The following SMAP1 variants were observed in gnomAD, a reference collection of about 807,000 sequenced individuals.
The protein encoded by SMAP1 is stromal membrane-associated protein 1.
Under a neutral mutation model 58.5 loss-of-function variants are expected in SMAP1, and 24 were observed. The observed-to-expected ratio is 0.41, with a 90% CI of 0.30 to 0.58. The LOEUF is 0.58. SMAP1 is among the 20% of genes least tolerant of loss of function. SMAP1 has a pLI of 0.29. For missense variants in SMAP1, 563 were observed against 566.3 expected (o/e 0.99, Z 0.06); for synonymous variants, 216 against 196.6 (o/e 1.10, Z -0.82).
intron 1 of SMAP1, among the ~76,000 whole-genome samples, chr6:70,722,831 G>GC (rs1768590391): frequency 6.6e-6 from 1 of 152,224 alleles, no homozygotes; most frequent in South Asian, 2.1e-4. Context: ...CGCTGGGTGG[G>GC]CCAGGTGTTC....
chr6:70,700,462 T>C (rs958459552), intron 1 of SMAP1, among the ~76,000 whole-genome samples: 35 of 152,302 alleles, frequency 2.3e-4, no homozygotes, highest in South Asian at 1.5e-3. Context: ...CATGCCTGGC[T>C]AATTTTTGTG....
At chr6:70,803,113 T>A (rs998375387) in intron 6 of SMAP1, among the ~76,000 whole-genome samples, 7 of 152,210 alleles carry the variant, frequency 4.6e-5, no homozygotes, top group Non-Finnish European at 2.9e-5. Flanking sequence ...CTGTTAGAAT[T>A]TGGCTGTGAG....
chr6:70,828,676 G>T (rs117623301), intron 6 of SMAP1, among the ~76,000 whole-genome samples: 3,555 of 152,282 alleles, frequency 0.023, 52 homozygotes, highest in Non-Finnish European at 0.037. Flanking sequence ...TGTGGAAATA[G>T]AATAAAAATC....
At chr6:70,745,080 G>C (rs1477846275) in intron 2 of SMAP1, among the ~76,000 whole-genome samples, 2 of 152,152 alleles carry the variant, frequency 1.3e-5, no homozygotes, top group East Asian at 3.9e-4. Context: ...TTAGCCCTTT[G>C]TCAGATGGGT....
chr6:70,718,060 A>G (rs940161258), intron 1 of SMAP1, among the ~76,000 whole-genome samples: 1 of 152,108 alleles, frequency 6.6e-6, no homozygotes, highest in Non-Finnish European at 1.5e-5. Flanking sequence ...CACAAGCTCC[A>G]CAAGCTCCCC....
intron 6 of SMAP1, among the ~76,000 whole-genome samples, chr6:70,834,902 A>G (rs991381540): frequency 2.6e-5 from 4 of 152,146 alleles, no homozygotes; most frequent in South Asian, 2.1e-4. Context: ...ATTATGTTAA[A>G]CTTCTGAAAA....
chr6:70,759,713 C>T (rs1766668100), intron 3 of SMAP1: 1 of 259,936 alleles, frequency 3.8e-6, no homozygotes, highest in Non-Finnish European at 8.1e-6. Context: ...GTTCTGTTAT[C>T]TTGGCTGATA....
chr6:70,782,240 A>G (rs1156600599), intron 4 of SMAP1, among the ~76,000 whole-genome samples: 1 of 152,220 alleles, frequency 6.6e-6, no homozygotes, highest in Non-Finnish European at 1.5e-5. Flanking sequence ...AATATGGATA[A>G]CTTCTATGGG....
intron 1 of SMAP1, among the ~76,000 whole-genome samples, chr6:70,690,708 A>ATATATT (rs1554189883): frequency 7.4e-5 from 11 of 148,938 alleles, no homozygotes; most frequent in African/African-American, 2.2e-4. Flanking sequence ...ATATATATAT[A>ATATATT]TTTTTGAATT....
intron 9 of SMAP1, chr6:70,857,596 C>T: frequency 3.7e-6 from 1 of 267,568 alleles, no homozygotes; most frequent in South Asian, 5.4e-5. Flanking sequence ...ACTGGGGGAC[C>T]AGTGGTACAA....
intron 2 of SMAP1, among the ~76,000 whole-genome samples, chr6:70,751,022 C>G (rs781133157): frequency 1.3e-5 from 2 of 152,108 alleles, no homozygotes; most frequent in South Asian, 4.1e-4. Flanking sequence ...GGCAGATCAT[C>G]TGAGGTCAGG....
chr6:70,685,284 A>C (rs1398596363), intron 1 of SMAP1, among the ~76,000 whole-genome samples: 1 of 91,314 alleles, frequency 1.1e-5, no homozygotes, highest in Non-Finnish European at 2.1e-5. Flanking sequence ...AGTAGTTAAT[A>C]CTTTTTTTTT....
intron 1 of SMAP1, chr6:70,694,186 A>G (rs543911330): frequency 6.0e-6 from 2 of 330,798 alleles, no homozygotes; most frequent in South Asian, 2.8e-5. Flanking sequence ...AATCGAGGCT[A>G]TAACTTGATC....
intron 1 of SMAP1, among the ~76,000 whole-genome samples, chr6:70,726,838 AAGTT>A (rs1392533766): frequency 1.3e-5 from 2 of 151,076 alleles, no homozygotes; most frequent in East Asian, 3.9e-4. Context: ...TTTTATCTGA[AAGTT>A]AGTAGTCATG....
intron 6 of SMAP1, among the ~76,000 whole-genome samples, chr6:70,806,537 T>C (rs889002698): frequency 6.6e-6 from 1 of 152,198 alleles, no homozygotes; most frequent in African/African-American, 2.4e-5. Context: ...CCCAGTGAGA[T>C]GAACCAGGTA....
Position 70,861,802 on chromosome 6 carries a change from G to GGT in SMAP1, c.*1469_*1470dup, listed in dbSNP as rs1771744870. On this transcript the variant is annotated 3_prime_UTR_variant, in exon 11 of 11. Transcript: ENST00000370455. ...GCGCACTCTTCATGGTGACACTCGAGGTCGGGCAGCACAAGTGTAATGAAT... is the reference window on the plus strand; with the variant it reads ...GCGCACTCTTCATGGTGACACTCGAGGTGTCGGGCAGCACAAGTGTAATGAAT... 1 of 1,613,880 alleles carries GGT rather than the reference G, an allele frequency of 6.2e-7. No individual in the cohort carries two copies. The highest frequency in any genetic ancestry group is 8.5e-7 in the Non-Finnish European group (1 of 1,179,952).
chr6:70,788,172 C>T (rs1450028050), intron 4 of SMAP1, among the ~76,000 whole-genome samples: 1 of 151,316 alleles, frequency 6.6e-6, no homozygotes, highest in African/African-American at 2.4e-5. Context: ...AAACTGGAAA[C>T]CATCATTCTC....
intron 1 of SMAP1, among the ~76,000 whole-genome samples, chr6:70,723,559 C>T (rs1768626341): frequency 1.3e-5 from 2 of 152,192 alleles, no homozygotes; most frequent in Admixed American, 6.5e-5. Context: ...CTCACCTGTA[C>T]TCCCTATCCA....
At chr6:70,690,008 A>G (rs2149816731) in intron 1 of SMAP1, among the ~76,000 whole-genome samples, 1 of 152,234 alleles carries the variant, frequency 6.6e-6, no homozygotes, top group Admixed American at 6.5e-5. Context: ...AATAAAGGCA[A>G]TTTTTGCTTT....
Sources: allele counts gnomAD v4.1 joint callset (sites outside exome capture counted in the v4.1 genomes callset), GRCh38; gene constraint gnomAD v4.1.1; transcripts MANE v1.5; gene names NCBI Gene and HGNC (gene_info 2026-07-23, HGNC 2026-07-21).